The following PHF21A variants were observed in gnomAD, a reference collection of about 807,000 sequenced individuals.
PHF21A encodes BHC80a.
A neutral mutation model predicts 82.5 loss-of-function variants in PHF21A; 11 were observed. The ratio of observed to expected loss-of-function variants is 0.13; its 90% CI spans 0.08 to 0.22. The LOEUF is 0.22. Among genes scored for constraint, PHF21A ranks in the 10% least tolerant of loss-of-function variants. The pLI is 1.00. For missense variants in PHF21A, 579 were observed against 837.8 expected (o/e 0.69, Z 3.81); for synonymous variants, 297 against 302.8 (o/e 0.98, Z 0.20).
chr11:46,094,206 A>C (rs978281179), intron 1 of PHF21A, among the ~76,000 whole-genome samples: 4 of 152,236 alleles, frequency 2.6e-5, no homozygotes, highest in African/African-American at 9.6e-5. Context: ...CAATGTACAT[A>C]TATCTTATCT....
chr11:46,064,942 C>T (rs946152115), intron 6 of PHF21A, among the ~76,000 whole-genome samples: 2 of 152,148 alleles, frequency 1.3e-5, no homozygotes, highest in African/African-American at 4.8e-5. Flanking sequence ...GGAGACTTTT[C>T]TAAAATAATC....
At chr11:46,117,346 T>C (rs1057452823) in intron 1 of PHF21A, 1 of 152,226 alleles carries the variant, frequency 6.6e-6, no homozygotes, top group Non-Finnish European at 1.5e-5. Flanking sequence ...CAAAGGACCA[T>C]GTGCTATAAA....
Position 45,962,231 on chromosome 11 carries a change from TC to T in PHF21A, c.996+3083del, listed in dbSNP as rs201494316. Among the ~76,000 whole-genome samples, 6 of 152,322 alleles carry T rather than the reference TC, an allele frequency of 3.9e-5. No individual in the cohort carries two copies. The East Asian group carries it at 1.2e-3, about 29-fold the overall frequency. ...TTTTATTAAATGAATGATGTTATCA[TC>T]TAAAGGGAATAGCAGAAAGCAAAAG... On this transcript the variant is annotated intron_variant, in intron 10 of 18. Coordinates refer to ENST00000676320, the MANE Select transcript of PHF21A (RefSeq NM_001352027.3).
intron 6 of PHF21A, among the ~76,000 whole-genome samples, chr11:45,989,606 T>A (rs868831463): frequency 6.7e-6 from 1 of 149,734 alleles, no homozygotes; most frequent in South Asian, 2.1e-4. Flanking sequence ...GAGGTGGAGG[T>A]TGCAGTGAGC....
chr11:46,113,098 C>T (rs1305756252), intron 1 of PHF21A, among the ~76,000 whole-genome samples: 2 of 152,112 alleles, frequency 1.3e-5, no homozygotes, highest in Non-Finnish European at 2.9e-5. Context: ...TAAAATGGAG[C>T]AGACAAGAAG....
intron 6 of PHF21A, among the ~76,000 whole-genome samples, chr11:46,018,201 G>A (rs970600569): frequency 2.7e-5 from 4 of 147,738 alleles, no homozygotes; most frequent in Non-Finnish European, 4.4e-5. Context: ...AGTGAGCTGA[G>A]ATTGCGCCAC....
rs548408882 is a variant in PHF21A at position 46,031,599 on chromosome 11, G to A, written c.153+45155C>T. Among the ~76,000 whole-genome samples, 139 of 152,292 alleles carry A rather than the reference G, an allele frequency of 9.1e-4. 4 individuals are homozygous for A. The South Asian group carries it at 0.028, about 30-fold the overall frequency. On this transcript the variant is annotated intron_variant, in intron 6 of 18. Coordinates refer to ENST00000676320, the MANE Select transcript of PHF21A (RefSeq NM_001352027.3). ...TTTCTTAAAAGTTGATAATAAACAT[G>A]CATAATTAGGCAGTTATGTAATTTA...
At chr11:46,036,811 T>C (rs1565662266) in intron 6 of PHF21A, among the ~76,000 whole-genome samples, 4 of 152,228 alleles carry the variant, frequency 2.6e-5, no homozygotes, top group African/African-American at 7.2e-5. Context: ...TCTAGGTAGA[T>C]AATCAGGTCA....
At chr11:45,971,624 A>T (rs546855624) in intron 7 of PHF21A, among the ~76,000 whole-genome samples, 42 of 152,262 alleles carry the variant, frequency 2.8e-4, no homozygotes, top group Non-Finnish European at 5.1e-4. Context: ...ATAACTGCAG[A>T]CTAATTCAGG....
At chr11:45,935,998 C>A (rs1266380469) in intron 17 of PHF21A, among the ~76,000 whole-genome samples, 1 of 152,170 alleles carries the variant, frequency 6.6e-6, no homozygotes, top group Non-Finnish European at 1.5e-5. Context: ...GTGCTACAGT[C>A]CAGGCATGAT....
At chr11:45,964,674 C>T (rs1441449928) in intron 10 of PHF21A, among the ~76,000 whole-genome samples, 1 of 152,130 alleles carries the variant, frequency 6.6e-6, no homozygotes, top group African/African-American at 2.4e-5. Flanking sequence ...TTCTTGTTTT[C>T]AGAGGTCTTT....
intron 6 of PHF21A, among the ~76,000 whole-genome samples, chr11:46,065,982 CT>C (rs1235716152): frequency 2.0e-5 from 3 of 152,202 alleles, no homozygotes; most frequent in Non-Finnish European, 4.4e-5. Flanking sequence ...AGATGACAAA[CT>C]TTTTTTCTTT....
chr11:45,966,419 A>T (rs1334217448), intron 9 of PHF21A, among the ~76,000 whole-genome samples: 1 of 151,974 alleles, frequency 6.6e-6, no homozygotes, highest in Non-Finnish European at 1.5e-5. Context: ...TACTTCTAAT[A>T]TCTGTCTACT....
At position 46,103,619 on chromosome 11, in the gene PHF21A, G is replaced by A. The variant is rs2097123598; in HGVS notation, c.-236-11396C>T. On this transcript the variant is annotated intron_variant, in intron 1 of 18. Transcript: ENST00000676320. ...TACTAGACCTTTATCAAATGGTACA[G>A]CTGGGTTAGTGAGAACAAAAAGTTA... Among the ~76,000 whole-genome samples, 3 of 152,172 alleles carry A rather than the reference G, an allele frequency of 2.0e-5. 1 individual carries two copies. In the South Asian group the frequency reaches 6.2e-4, roughly 31 times the overall value.
chr11:45,949,415 A>G lies in PHF21A; in HGVS notation c.1214T>C (p.Val405Ala). Residue 405 changes from valine (V) to alanine (A), a missense_variant, in exon 13 of 19, where the codon GTC becomes GCC. Val to Ala is a moderately conservative substitution (Grantham distance 64). This residue lies in a region of PHF21A where 410 missense variants were observed against 642.1 expected (regional missense o/e 0.64). Coordinates refer to ENST00000676320, the MANE Select transcript of PHF21A (RefSeq NM_001352027.3). Reference protein sequence around the residue: ...TTANPVYSGAVFEPERKKSAV... With the variant: ...TTANPVYSGAAFEPERKKSAV... ...GGCCAGTAATACCTCTGGCTCAAAG[A>G]CTGCTCCACTGTAGACCGGATTTGC... The G allele has an allele frequency of 6.2e-7, 1 of 1,614,074 alleles. No individual in the cohort carries two copies. The highest frequency in any genetic ancestry group is 8.5e-7 in the Non-Finnish European group (1 of 1,179,908).
chr11:46,016,972 T>A (rs989816297), intron 6 of PHF21A, among the ~76,000 whole-genome samples: 10 of 47,320 alleles, frequency 2.1e-4, no homozygotes, highest in Non-Finnish European at 3.1e-4. Context: ...TTAACCTGGA[T>A]TTTTTTTTTT....
chr11:45,929,793 G>GC lies in PHF21A; in HGVS notation c.*4174dup, dbSNP rs1033992181. 12 of 152,330 alleles carry GC rather than the reference G, an allele frequency of 7.9e-5. No individual in the cohort carries two copies. The highest frequency in any genetic ancestry group is 2.9e-4 in the African/African-American group (12 of 41,456). 9.4% of individuals were successfully genotyped at this position (152,330 alleles called of 1,614,324 possible). ...TTCTGGAGGGCAGCCCCAGCTTCCT[G>GC]CCCCTCACTTTAGCAAGGGGCCAGA... On this transcript the variant is annotated 3_prime_UTR_variant, in exon 19 of 19. Coordinates refer to ENST00000676320, the MANE Select transcript of PHF21A (RefSeq NM_001352027.3).
intron 6 of PHF21A, among the ~76,000 whole-genome samples, chr11:46,023,765 C>T (rs1350027785): frequency 6.6e-6 from 1 of 152,022 alleles, no homozygotes; most frequent in Admixed American, 6.5e-5. Flanking sequence ...AGACCAGCCT[C>T]GCCAACATGG....
intron 6 of PHF21A, among the ~76,000 whole-genome samples, chr11:46,001,011 T>C (rs1365579801): frequency 6.6e-6 from 1 of 152,170 alleles, no homozygotes; most frequent in African/African-American, 2.4e-5. Flanking sequence ...TCATCTTCTA[T>C]ATTCAAAACC....
Sources: gnomAD v4.1 joint callset for allele counts (sites outside exome capture counted in the v4.1 genomes callset) on GRCh38, gnomAD v4.1.1 for gene constraint, gnomAD v4.1.1 regional missense constraint, MANE v1.5 for transcripts, NCBI Gene and HGNC (gene_info 2026-07-23, HGNC 2026-07-21) for gene names.